Variants in FSTL5 observed in about 807,000 individuals in gnomAD.
The protein encoded by FSTL5 is follistatin like 5.
In FSTL5, 62 loss-of-function variants were observed where a neutral mutation model predicts 89.1. The observed-to-expected ratio is 0.70, with a 90% CI of 0.57 to 0.86. FSTL5 has a LOEUF of 0.86. Among genes scored for constraint, FSTL5 ranks in the 40% least tolerant of loss-of-function variants. FSTL5 has a pLI of 0.00. For missense variants in FSTL5, 1,057 were observed against 1,001.6 expected, an observed-to-expected ratio of 1.06 and a Z score of -0.75; for synonymous variants, 383 against 346.2, an observed-to-expected ratio of 1.11 and a Z score of -1.18.
intron 15 of FSTL5, among the ~76,000 whole-genome samples, chr4:161,400,161 G>GA (rs1731136679): frequency 1.3e-5 from 2 of 151,670 alleles, no homozygotes; most frequent in Non-Finnish European, 2.9e-5. Flanking sequence ...ATATTTTTAT[G>GA]AAAAAAATCA....
chr4:161,678,684 GCAATACA>G (rs1737407648), intron 6 of FSTL5, among the ~76,000 whole-genome samples: 1 of 151,684 alleles, frequency 6.6e-6, no homozygotes, highest in African/African-American at 2.4e-5. Context: ...TGGGAAAGCA[GCAATACA>G]GGATGAGATT....
chr4:161,532,277 C>G (rs1003354368), intron 10 of FSTL5, among the ~76,000 whole-genome samples: 1 of 151,670 alleles, frequency 6.6e-6, no homozygotes, highest in Non-Finnish European at 1.5e-5. Context: ...TGCACTATGA[C>G]AAGTGCTTTA....
chr4:161,854,285 T>C (rs140628683), intron 4 of FSTL5, among the ~76,000 whole-genome samples: 18 of 152,338 alleles, frequency 1.2e-4, no homozygotes, highest in South Asian at 2.1e-4. Flanking sequence ...AAGTATATTC[T>C]GTCCTTAGAA....
chr4:162,039,228 G>A (rs1397360555), intron 2 of FSTL5, among the ~76,000 whole-genome samples: 5 of 151,686 alleles, frequency 3.3e-5, no homozygotes, highest in Non-Finnish European at 7.4e-5. Context: ...AAAAAAAGAA[G>A]TAGAAGATAT....
At chr4:161,859,922 G>T (rs527819830) in intron 4 of FSTL5, among the ~76,000 whole-genome samples, 23 of 152,272 alleles carry the variant, frequency 1.5e-4, no homozygotes, top group African/African-American at 5.5e-4. Context: ...CGAAATGAAT[G>T]TATTAAATGG....
intron 3 of FSTL5, among the ~76,000 whole-genome samples, chr4:161,970,843 T>C (rs1253744879): frequency 6.6e-6 from 1 of 152,088 alleles, no homozygotes; most frequent in African/African-American, 2.4e-5. Context: ...GAAAATTTAT[T>C]TGTATTCTAA....
intron 15 of FSTL5, among the ~76,000 whole-genome samples, chr4:161,423,142 C>G (rs1223205528): frequency 6.6e-6 from 1 of 152,086 alleles, no homozygotes; most frequent in African/African-American, 2.4e-5. Flanking sequence ...TTACAGGAAA[C>G]AGATTTCAAA....
intron 15 of FSTL5, among the ~76,000 whole-genome samples, chr4:161,398,835 G>A (rs1424124431): frequency 6.6e-6 from 1 of 151,900 alleles, no homozygotes; most frequent in Non-Finnish European, 1.5e-5. Context: ...CTATTCTGAG[G>A]AAATAACAAT....
chr4:161,385,622 G>T lies in FSTL5; in HGVS notation c.*125C>A, dbSNP rs1043089306. ...TAGTCAAAAACAATTTATTTTATTT[G>T]GACCAACCAAGTAAATTTTGTTTGA... is the stretch of plus-strand genomic sequence containing the variant. On this transcript the variant is annotated 3_prime_UTR_variant, in exon 16 of 16. Coordinates refer to ENST00000306100, the MANE Select transcript of FSTL5 (RefSeq NM_020116.5). The T allele has an allele frequency of 6.0e-6, 4 of 670,308 alleles. No individual in the cohort carries two copies. Among genetic ancestry groups the T allele is most frequent in the Admixed American group, 3.2e-5 (1 of 31,694 alleles). The allele number at this position is 670,308 out of a possible 1,614,324, so 41.5% of individuals were successfully genotyped here. A position where few individuals can be genotyped will look rare whatever the true frequency, so the allele number is the denominator to read the frequency against.
chr4:161,765,958 C>T (rs1740983264), intron 5 of FSTL5, among the ~76,000 whole-genome samples: 1 of 152,012 alleles, frequency 6.6e-6, no homozygotes, highest in African/African-American at 2.4e-5. Context: ...CCATGCCCGG[C>T]TAATTTTTGT....
chr4:161,985,003 C>A (rs1735923809), intron 3 of FSTL5, among the ~76,000 whole-genome samples: 1 of 151,034 alleles, frequency 6.6e-6, no homozygotes, highest in Non-Finnish European at 1.5e-5. Flanking sequence ...GTTGCCCAGG[C>A]TGGAGTGCAG....
At chr4:162,014,309 T>A (rs545449007) in intron 3 of FSTL5, among the ~76,000 whole-genome samples, 1 of 152,350 alleles carries the variant, frequency 6.6e-6, no homozygotes, top group Non-Finnish European at 1.5e-5. Flanking sequence ...ATGACTTTTA[T>A]ACTGCAAGGC....
chr4:161,870,799 T>C (rs1459379925), intron 4 of FSTL5, among the ~76,000 whole-genome samples: 2 of 152,172 alleles, frequency 1.3e-5, no homozygotes, highest in African/African-American at 4.8e-5. Flanking sequence ...CAAATAATTT[T>C]CTGCTAGGAA....
chr4:162,118,545 G>T (rs142572133), intron 1 of FSTL5, among the ~76,000 whole-genome samples: 209 of 152,318 alleles, frequency 1.4e-3, no homozygotes, highest in African/African-American at 4.8e-3. Flanking sequence ...ACAGGCGTGA[G>T]AAGAGTCCAG....
rs567117031 is a variant in FSTL5, at chr4:162,089,956, C to G, written c.126+21315G>C. ...TTTATTATTACATATTTTTTCCATC[C>G]GATCTTCAATAAAGCTGACAAAAAC... On this transcript the variant is annotated intron_variant, in intron 2 of 15. Coordinates refer to ENST00000306100, the MANE Select transcript of FSTL5 (RefSeq NM_020116.5). Among the ~76,000 whole-genome samples the G allele has an allele frequency of 2.0e-5, 3 of 151,888 alleles. No homozygotes were observed. The South Asian group carries it at 6.2e-4, about 32-fold the overall frequency.
Position 161,983,518 on chromosome 4 carries a change from A to C in FSTL5, c.160+50107T>G, listed in dbSNP as rs142386656. The stretch of plus-strand genomic sequence containing the variant: ...CAATATAAGAGTTACTTTGAAGTAT[A>C]AATTAGAGGAATAATTTTTTAAAGC... On this transcript the variant is annotated intron_variant, in intron 3 of 15. Coordinates refer to ENST00000306100, the MANE Select transcript of FSTL5 (RefSeq NM_020116.5). 8.5e-5 allele frequency among the ~76,000 whole-genome samples: 13 copies of C among 152,314 alleles called. No homozygotes were observed. The East Asian group carries it at 2.5e-3, about 29-fold the overall frequency.
chr4:161,995,967 T>C (rs1578930334), intron 3 of FSTL5, among the ~76,000 whole-genome samples: 1 of 152,216 alleles, frequency 6.6e-6, no homozygotes, highest in Admixed American at 6.5e-5. Flanking sequence ...AGCCATCACC[T>C]AAAAGGATAC....
At chr4:161,534,719 A>G (rs954495515) in intron 10 of FSTL5, among the ~76,000 whole-genome samples, 3 of 152,126 alleles carry the variant, frequency 2.0e-5, no homozygotes, top group African/African-American at 7.2e-5. Context: ...GTATTAGAAA[A>G]ATCTATCCTC....
chr4:161,704,551 A>G (rs574253765), intron 6 of FSTL5, among the ~76,000 whole-genome samples: 1 of 152,274 alleles, frequency 6.6e-6, no homozygotes, highest in African/African-American at 2.4e-5. Context: ...TTGATCACAA[A>G]CAAGGGACCA....
Sources: gnomAD v4.1 joint callset for allele counts (sites outside exome capture counted in the v4.1 genomes callset) on GRCh38, gnomAD v4.1.1 for gene constraint, MANE v1.5 for transcripts, NCBI Gene and HGNC (gene_info 2026-07-23, HGNC 2026-07-21) for gene names.